Variants in GNAQ observed in about 807,000 individuals in gnomAD.
GNAQ encodes the protein G protein subunit alpha q.
Under a neutral mutation model 43.9 loss-of-function variants are expected in GNAQ, and 8 were observed. That is an observed-to-expected ratio of 0.18 (90% CI 0.11 to 0.33). The LOEUF is 0.33. Ranked by LOEUF, GNAQ falls within the 10% of genes least tolerant of loss-of-function variation. GNAQ has a pLI of 1.00. For synonymous variants in GNAQ, 155 were observed against 170.7 expected (o/e 0.91, Z 0.71); for missense variants, 158 against 450.8 (o/e 0.35, Z 5.88).
intron 5 of GNAQ, among the ~76,000 whole-genome samples, chr9:77,732,066 A>G (rs573304616): frequency 4.1e-4 from 63 of 152,310 alleles, no homozygotes; most frequent in Non-Finnish European, 5.9e-4. Context: ...CTCATAAGGT[A>G]GTGGAACGTG....
At chr9:77,867,849 A>G (rs1435147627) in intron 2 of GNAQ, among the ~76,000 whole-genome samples, 1 of 152,172 alleles carries the variant, frequency 6.6e-6, no homozygotes, top group African/African-American at 2.4e-5. Flanking sequence ...GACAGGTGTA[A>G]AAGGACATGC....
At chr9:77,780,476 C>T (rs1382735968) in intron 5 of GNAQ, among the ~76,000 whole-genome samples, 3 of 149,956 alleles carry the variant, frequency 2.0e-5, no homozygotes, top group Non-Finnish European at 4.4e-5. Context: ...CGGTACTCCA[C>T]TGTGTACATA....
Position 77,790,768 on chromosome 9 carries a change from G to C in GNAQ, c.735+3695C>G, listed in dbSNP as rs188577097. ...AAAGAAAGCTGGTCTGGAAGGGCAG[G>C]GGACCTGGCCTTCAGTGACCTTGGC... On this transcript the variant is annotated intron_variant, in intron 5 of 6. Coordinates refer to ENST00000286548, the MANE Select transcript of GNAQ (RefSeq NM_002072.5). Among the ~76,000 whole-genome samples, 29 of 152,308 alleles carry C rather than the reference G, an allele frequency of 1.9e-4. 1 individual carries two copies. Among genetic ancestry groups the C allele is most frequent in the Admixed American group, 1.6e-3 (25 of 15,304 alleles).
intron 2 of GNAQ, among the ~76,000 whole-genome samples, chr9:77,838,917 A>G (rs1184416319): frequency 6.6e-6 from 1 of 152,032 alleles, no homozygotes; most frequent in Non-Finnish European, 1.5e-5. Flanking sequence ...TGTGACTCTG[A>G]TGAGGAAAAA....
intron 1 of GNAQ, among the ~76,000 whole-genome samples, chr9:78,006,936 GA>G (rs1210989755): frequency 6.6e-6 from 1 of 152,134 alleles, no homozygotes; most frequent in African/African-American, 2.4e-5. Flanking sequence ...TAGTCCTCAT[GA>G]AAATGAGAGA....
chr9:77,919,218 C>T (rs1828960621), intron 2 of GNAQ, among the ~76,000 whole-genome samples: 1 of 152,102 alleles, frequency 6.6e-6, no homozygotes, highest in Non-Finnish European at 1.5e-5. Context: ...CCATACCTGG[C>T]CACAAATAAT....
At chr9:77,801,562 A>G (rs1352602950) in intron 3 of GNAQ, among the ~76,000 whole-genome samples, 1 of 152,148 alleles carries the variant, frequency 6.6e-6, no homozygotes, top group East Asian at 1.9e-4. Context: ...TTTGCTTGCC[A>G]TTCTTTTTGC....
chr9:77,990,458 G>C (rs375573658), intron 1 of GNAQ, among the ~76,000 whole-genome samples: 1 of 152,128 alleles, frequency 6.6e-6, no homozygotes, highest in Admixed American at 6.5e-5. Flanking sequence ...CTTAGCTCAA[G>C]TGATCCTCAT....
intron 1 of GNAQ, among the ~76,000 whole-genome samples, chr9:77,931,272 T>C (rs1829145572): frequency 6.6e-6 from 1 of 151,632 alleles, no homozygotes; most frequent in African/African-American, 2.4e-5. Context: ...TCCCTAAGCA[T>C]TAGACTTTTG....
intron 1 of GNAQ, among the ~76,000 whole-genome samples, chr9:78,027,118 C>T (rs1823992658): frequency 6.6e-6 from 1 of 152,130 alleles, no homozygotes; most frequent in African/African-American, 2.4e-5. Context: ...CAAATACATC[C>T]AGTACAGAAC....
At chr9:78,003,439 G>A (rs575905046) in intron 1 of GNAQ, among the ~76,000 whole-genome samples, 1 of 152,288 alleles carries the variant, frequency 6.6e-6, no homozygotes, top group South Asian at 2.1e-4. Context: ...TGAGGACAAG[G>A]CCACTGATAC....
At chr9:77,777,539 TAAAG>T (rs1050539032) in intron 5 of GNAQ, among the ~76,000 whole-genome samples, 19 of 151,974 alleles carry the variant, frequency 1.3e-4, no homozygotes, top group African/African-American at 4.6e-4. Flanking sequence ...AAGGACACTA[TAAAG>T]AAAGTGAAAT....
chr9:77,891,928 C>A (rs1410024407), intron 2 of GNAQ, among the ~76,000 whole-genome samples: 3 of 152,138 alleles, frequency 2.0e-5, no homozygotes, highest in African/African-American at 7.2e-5. Context: ...GGTCATCGCC[C>A]CAGGCATGAA....
intron 3 of GNAQ, among the ~76,000 whole-genome samples, chr9:77,804,050 C>G (rs1356546841): frequency 6.6e-6 from 1 of 152,206 alleles, no homozygotes; most frequent in African/African-American, 2.4e-5. Flanking sequence ...ACAACACTTT[C>G]TCTCTTATGT....
rs189726979 is a variant in GNAQ at position 77,802,934 on chromosome 9, A to T, written c.477-5286T>A. ...AAATTATTAATTTATAATTTTTTTT[A>T]AAAAAAGAAACCCCGAGCTCAATAT... On this transcript the variant is annotated intron_variant, in intron 3 of 6. Coordinates refer to ENST00000286548, the MANE Select transcript of GNAQ (RefSeq NM_002072.5). Among the ~76,000 whole-genome samples the T allele has an allele frequency of 5.2e-3, 785 of 151,964 alleles. 9 individuals carry two copies. Among genetic ancestry groups the T allele is most frequent in the African/African-American group, 0.018 (734 of 41,446 alleles).
chr9:77,877,924 C>A (rs1024902107), intron 2 of GNAQ, among the ~76,000 whole-genome samples: 3 of 152,166 alleles, frequency 2.0e-5, no homozygotes, highest in Non-Finnish European at 4.4e-5. Flanking sequence ...GTCCACTCCA[C>A]TGACTAAAAC....
At chr9:77,721,564 A>G (rs1277480026) in intron 6 of GNAQ, 51 bp from the exon 7 acceptor site, 2 of 1,053,678 alleles carry the variant, frequency 1.9e-6, no homozygotes, top group South Asian at 2.7e-5. Flanking sequence ...CTGCTAATGT[A>G]TTCAATCATC....
At chr9:77,892,194 C>T (rs1281272651) in intron 2 of GNAQ, among the ~76,000 whole-genome samples, 1 of 152,156 alleles carries the variant, frequency 6.6e-6, no homozygotes, top group Admixed American at 6.5e-5. Flanking sequence ...TCTTCTGAAA[C>T]GTTATCTGTC....
chr9:77,910,729 C>T (rs1243133269), intron 2 of GNAQ, among the ~76,000 whole-genome samples: 1 of 152,140 alleles, frequency 6.6e-6, no homozygotes, highest in South Asian at 2.1e-4. Flanking sequence ...ACATCATCTC[C>T]ATTTAACAAT....
Sources: gnomAD v4.1 joint callset for allele counts (sites outside exome capture counted in the v4.1 genomes callset) on GRCh38, gnomAD v4.1.1 for gene constraint, MANE v1.5 for transcripts, NCBI Gene and HGNC (gene_info 2026-07-23, HGNC 2026-07-21) for gene names.